The following SPANXN3 variants were observed in gnomAD, a reference collection of about 807,000 sequenced individuals.
SPANXN3 encodes sperm protein associated with the nucleus on the X chromosome N3.
In SPANXN3, 1 loss-of-function variant was observed where a neutral mutation model predicts 1.9. The ratio of observed to expected loss-of-function variants is 0.54; its 90% confidence interval spans 0.19 to 2.54. The LOEUF (loss-of-function observed/expected upper bound fraction) is 2.54. SPANXN3 is among the 30% of genes most tolerant of loss of function. SPANXN3 has a pLI of 0.24. For missense variants in SPANXN3, 113 were observed against 96.2 expected (o/e 1.17, Z -0.73); for synonymous variants, 47 against 40.0 (o/e 1.17, Z -0.66).
intron 1 of SPANXN3, chrX:143,509,459 C>A: frequency 3.6e-6 from 1 of 276,230 alleles, no homozygotes; most frequent in Non-Finnish European, 6.4e-6. Flanking sequence ...TGCCTAACCA[C>A]CTGACCACAA....
intron 1 of SPANXN3, among the ~76,000 whole-genome samples, chrX:143,511,421 G>T (rs140772014): frequency 9.0e-6 from 1 of 111,252 alleles, no homozygotes; most frequent in African/African-American, 3.3e-5. Flanking sequence ...ATACCATTAA[G>T]GGCAAAATCT....
rs1284778858 is a variant in SPANXN3 at position 143,508,899 on chromosome X, A to G, written c.342T>C (p.Asp114=). Residue 114 remains aspartate (D), a synonymous_variant, in exon 2 of 2, where the codon GAT becomes GAC. Transcript: ENST00000370503. ...GTGAGGATCCTTCAGATGAGTCTAG[A>G]TCTTTGTCCTCCTTTGAAGGTCCTT... ...PCEGPSKEDK[D]LDSSEGSSQE... is the part of the protein sequence containing the mutation. The G allele has an allele frequency of 8.3e-7, 1 of 1,209,845 alleles. No individual in the cohort carries two copies. The highest frequency in any genetic ancestry group is 1.8e-5 in the African/African-American group (1 of 57,071).
rs1411518845 is a variant in SPANXN3 at position 143,508,789 on chromosome X, G to A, written c.*26C>T. 8 of 1,134,149 alleles carry A rather than the reference G, an allele frequency of 7.1e-6. No individual in the cohort carries two copies. The highest frequency in any genetic ancestry group is 2.3e-5 in the Admixed American group (1 of 43,600). 93.5% of individuals were successfully genotyped at this position (1,134,149 alleles called of 1,213,427 possible). On this transcript the variant is annotated 3_prime_UTR_variant, in exon 2 of 2. Coordinates refer to ENST00000370503, the MANE Select transcript of SPANXN3 (RefSeq NM_001009609.4). ...TCATCGCCATCAGTGGTGATGATTTGTCCAATTTGGTTTCTCCATGTGTGA... is the reference window on the plus strand; with the variant it reads ...TCATCGCCATCAGTGGTGATGATTTATCCAATTTGGTTTCTCCATGTGTGA...
chrX:143,511,576 AC>A (rs1929093139), intron 1 of SPANXN3, among the ~76,000 whole-genome samples: 1 of 111,135 alleles, frequency 9.0e-6, no homozygotes, highest in Non-Finnish European at 1.9e-5. Flanking sequence ...GAACTAAAAA[AC>A]CCAAACCTAA....
intron 1 of SPANXN3, among the ~76,000 whole-genome samples, chrX:143,512,440 T>A (rs1556411881): frequency 1.8e-5 from 2 of 111,597 alleles, no homozygotes; most frequent in Non-Finnish European, 3.8e-5. Context: ...AACAAGCTCA[T>A]ATTCTCAAGC....
intron 1 of SPANXN3, among the ~76,000 whole-genome samples, chrX:143,515,328 C>T (rs1448358528): frequency 7.2e-5 from 8 of 111,447 alleles, no homozygotes; most frequent in East Asian, 5.7e-4. Context: ...TCTCCTTCCC[C>T]GACAGGACCA....
In SPANXN3 at chrX:143,509,112, G is replaced by T. The variant is rs6654212; in HGVS notation, c.129C>A (p.Asn43Lys). The change falls in exon 2 of 2, where the codon AAC becomes AAA. Residue 43 changes from asparagine to lysine, a missense_variant. Coordinates refer to ENST00000370503, the MANE Select transcript of SPANXN3 (RefSeq NM_001009609.4). ...RVLAPEQSLK[N>K]TKTSEYPIIF... is the part of the protein sequence containing the mutation. ...TTATTGGATATTCTGATGTTTTTGT[G>T]TTCTTCAAACTCTGTTCGGGGGCTA... 5.0e-6 allele frequency: 6 copies of T among 1,208,904 alleles called. No homozygotes were observed. The highest frequency in any genetic ancestry group is 6.7e-6 in the Non-Finnish European group (6 of 894,972).
rs782616702 is a variant in SPANXN3, at chrX:143,517,413, G to T, written c.-22C>A. On this transcript the variant is annotated 5_prime_UTR_variant, in exon 1 of 2. Coordinates refer to ENST00000370503, the MANE Select transcript of SPANXN3 (RefSeq NM_001009609.4). Reference sequence around the variant, plus strand: ...CCATGATTCTGGTTGGTTGTAGAATGTCTATAGTAGGCTCCTGTAGACTGC... The same window carrying T: ...CCATGATTCTGGTTGGTTGTAGAATTTCTATAGTAGGCTCCTGTAGACTGC... 43 of 1,199,939 alleles carry T rather than the reference G, an allele frequency of 3.6e-5. No individual in the cohort carries two copies. Among genetic ancestry groups the T allele is most frequent in the Non-Finnish European group, 4.9e-5 (43 of 886,231 alleles).
In SPANXN3 at chrX:143,508,929, T is replaced by C; in HGVS notation, c.312A>G (p.Pro104=). ...TGTCCTCCTTTGAAGGTCCTTCACATGGGCCTAGGTCTTCATCCTCATTTG... is the reference window on the plus strand; with the variant it reads ...TGTCCTCCTTTGAAGGTCCTTCACACGGGCCTAGGTCTTCATCCTCATTTG... ...GSSNEDEDLG[P]CEGPSKEDKD... is the part of the protein sequence containing the mutation. Residue 104 remains proline, a synonymous_variant, in exon 2 of 2, where the codon CCA becomes CCG. Coordinates refer to ENST00000370503, the MANE Select transcript of SPANXN3 (RefSeq NM_001009609.4). 8.3e-7 allele frequency: 1 copy of C among 1,211,695 alleles called. No individual in the cohort carries two copies. The highest frequency in any genetic ancestry group is 1.7e-5 in the African/African-American group (1 of 57,821).
intron 1 of SPANXN3, among the ~76,000 whole-genome samples, chrX:143,515,211 C>G: frequency 9.0e-6 from 1 of 111,062 alleles, no homozygotes; most frequent in Non-Finnish European, 1.9e-5. Context: ...GTTATCCTAA[C>G]TACTCCGACT....
chrX:143,514,381 C>T (rs1272261282), intron 1 of SPANXN3, among the ~76,000 whole-genome samples: 1 of 112,233 alleles, frequency 8.9e-6, no homozygotes, highest in Non-Finnish European at 1.9e-5. Context: ...TGCCCCTACT[C>T]CAGCTTTTAG....
chrX:143,509,529 T>C (rs5955055), intron 1 of SPANXN3: 14,000 of 163,943 alleles, frequency 0.085, 1,443 homozygotes, highest in African/African-American at 0.33. Flanking sequence ...CCCTTATTCT[T>C]TCATCTTCTC....
chrX:143,514,100 ACCATTAT>A (rs1556412134), intron 1 of SPANXN3, among the ~76,000 whole-genome samples: 1 of 112,181 alleles, frequency 8.9e-6, no homozygotes, highest in African/African-American at 3.2e-5. Context: ...ACCAAAGGCC[ACCATTAT>A]CCATTGCAAG....
intron 1 of SPANXN3, chrX:143,509,574 T>A (rs1243530743): frequency 4.6e-5 from 6 of 131,132 alleles, no homozygotes; most frequent in South Asian, 2.9e-4. Flanking sequence ...TTGATTAAAC[T>A]CTCCATCTTA....
intron 1 of SPANXN3, chrX:143,509,469 A>G (rs1929042096): frequency 7.8e-6 from 2 of 257,765 alleles, no homozygotes; most frequent in African/African-American, 2.7e-5. Flanking sequence ...CCTGACCACA[A>G]GGTGGACAAA....
Position 143,517,439 on chromosome X carries a change from A to C in SPANXN3, c.-48T>G, listed in dbSNP as rs368555680. 7.8e-6 allele frequency: 9 copies of C among 1,157,245 alleles called. No individual in the cohort carries two copies. The African/African-American group carries it at 1.6e-4, about 21-fold the overall frequency. ...TCTATAGTAGGCTCCTGTAGACTGC[A>C]GACTTCCACAGCTATGTTGAAGCTT... On this transcript the variant is annotated 5_prime_UTR_variant, in exon 1 of 2. Coordinates refer to ENST00000370503, the MANE Select transcript of SPANXN3 (RefSeq NM_001009609.4).
At chrX:143,515,515 G>T (rs1404648751) in intron 1 of SPANXN3, among the ~76,000 whole-genome samples, 6 of 111,096 alleles carry the variant, frequency 5.4e-5, no homozygotes, top group African/African-American at 2.0e-4. Flanking sequence ...AATCCAGGAG[G>T]TATGACTGCA....
At chrX:143,516,991 C>T (rs1556412722) in intron 1 of SPANXN3, among the ~76,000 whole-genome samples, 3 of 111,741 alleles carry the variant, frequency 2.7e-5, no homozygotes. Context: ...GACAAAGGTC[C>T]AACTAAAGAA....
intron 1 of SPANXN3, among the ~76,000 whole-genome samples, chrX:143,515,446 G>A (rs1182731406): frequency 9.0e-6 from 1 of 111,175 alleles, no homozygotes; most frequent in African/African-American, 3.3e-5. Context: ...CTTTATTTCA[G>A]ATCTTTCCTG....
Sources: gnomAD v4.1 joint callset for allele counts (sites outside exome capture counted in the v4.1 genomes callset) on GRCh38, gnomAD v4.1.1 for gene constraint, MANE v1.5 for transcripts, NCBI Gene and HGNC (gene_info 2026-07-23, HGNC 2026-07-21) for gene names.